LRRTM4: variants seen among roughly 807,000 people sequenced by gnomAD.
LRRTM4 encodes leucine-rich repeat transmembrane neuronal protein 4.
LRRTM4 carries 25 observed loss-of-function variants against 47.6 expected under a neutral mutation model. That is an observed-to-expected ratio of 0.53 (90% CI 0.38 to 0.73). The LOEUF is 0.73. Among genes scored for constraint, LRRTM4 ranks in the 30% least tolerant of loss-of-function variants. The pLI is 0.00. For missense variants in LRRTM4, 638 were observed against 713.4 expected (o/e 0.89, Z 1.20); for synonymous variants, 311 against 269.5 (o/e 1.15, Z -1.51).
chr2:77,244,413 TCA>T (rs1302179061), intron 3 of LRRTM4, among the ~76,000 whole-genome samples: 2 of 152,180 alleles, frequency 1.3e-5, no homozygotes, highest in Admixed American at 1.3e-4. Context: ...ATATTAATTT[TCA>T]GTTTTATTTA....
At chr2:76,795,966 T>G (rs111565427) in intron 3 of LRRTM4, among the ~76,000 whole-genome samples, 2 of 146,550 alleles carry the variant, frequency 1.4e-5, no homozygotes, top group Admixed American at 1.4e-4. Context: ...GCGCACCATG[T>G]GCGAGCCGAA....
At chr2:77,443,264 AAGCT>A (rs1459219655) in intron 3 of LRRTM4, among the ~76,000 whole-genome samples, 1 of 152,114 alleles carries the variant, frequency 6.6e-6, no homozygotes, top group Non-Finnish European at 1.5e-5. Flanking sequence ...GGTCAAATTT[AAGCT>A]TATAAATGAT....
chr2:77,201,244 G>A (rs1673966015), intron 3 of LRRTM4, among the ~76,000 whole-genome samples: 1 of 152,156 alleles, frequency 6.6e-6, no homozygotes, highest in Admixed American at 6.6e-5. Context: ...TAGCCACACA[G>A]TAAGAGGAGA....
intron 3 of LRRTM4, among the ~76,000 whole-genome samples, chr2:77,413,295 A>G (rs1246335899): frequency 2.0e-5 from 3 of 152,188 alleles, no homozygotes; most frequent in African/African-American, 7.2e-5. Flanking sequence ...GCGAAGGCTC[A>G]AATGAGGTCA....
chr2:76,857,868 A>G (rs1421902198), intron 3 of LRRTM4, among the ~76,000 whole-genome samples: 1 of 152,172 alleles, frequency 6.6e-6, no homozygotes, highest in Non-Finnish European at 1.5e-5. Context: ...CCCAACAATG[A>G]AGAAATACTT....
At chr2:76,866,095 A>G (rs759287167) in intron 3 of LRRTM4, among the ~76,000 whole-genome samples, 1 of 152,124 alleles carries the variant, frequency 6.6e-6, no homozygotes, top group Non-Finnish European at 1.5e-5. Flanking sequence ...TGTAAACAAA[A>G]TAGAGTAACT....
intron 3 of LRRTM4, among the ~76,000 whole-genome samples, chr2:77,419,620 G>T (rs556091646): frequency 6.6e-6 from 1 of 152,212 alleles, no homozygotes; most frequent in East Asian, 1.9e-4. Flanking sequence ...TTGACCCACA[G>T]TTAGTTGAAT....
At chr2:76,795,945 TCAGTGGGTGC>T (rs1398387761) in intron 3 of LRRTM4, among the ~76,000 whole-genome samples, 13 of 150,818 alleles carry the variant, frequency 8.6e-5, no homozygotes, top group Non-Finnish European at 1.9e-4. Context: ...TGGGCGCAGG[TCAGTGGGTGC>T]GCGCACCATG....
chr2:77,153,041 G>C (rs1439240372), intron 3 of LRRTM4, among the ~76,000 whole-genome samples: 4 of 152,026 alleles, frequency 2.6e-5, no homozygotes, highest in Non-Finnish European at 5.9e-5. Context: ...AGAAAAAAAA[G>C]CATATTCCTT....
intron 3 of LRRTM4, among the ~76,000 whole-genome samples, chr2:76,960,265 C>T (rs773551287): frequency 5.7e-4 from 87 of 151,446 alleles, no homozygotes; most frequent in Non-Finnish European, 1.1e-3. Context: ...TATAACAATG[C>T]TACGAGAGAG....
intron 3 of LRRTM4, among the ~76,000 whole-genome samples, chr2:76,866,551 T>C (rs1471171775): frequency 6.6e-6 from 1 of 152,188 alleles, no homozygotes; most frequent in Non-Finnish European, 1.5e-5. Flanking sequence ...GGTAAAACTT[T>C]TAAAACTCTG....
At chr2:76,791,845 A>C (rs1674992550) in intron 3 of LRRTM4, among the ~76,000 whole-genome samples, 1 of 152,220 alleles carries the variant, frequency 6.6e-6, no homozygotes, top group Non-Finnish European at 1.5e-5. Context: ...CATTGTAATA[A>C]GCTAGTTTCC....
At chr2:76,867,325 C>G (rs1034173753) in intron 3 of LRRTM4, among the ~76,000 whole-genome samples, 1 of 152,130 alleles carries the variant, frequency 6.6e-6, no homozygotes, top group Non-Finnish European at 1.5e-5. Context: ...GGCTTTACAA[C>G]AAACTCTGCT....
chr2:77,359,701 A>C (rs964167446), intron 3 of LRRTM4, among the ~76,000 whole-genome samples: 1 of 152,216 alleles, frequency 6.6e-6, no homozygotes, highest in Non-Finnish European at 1.5e-5. Flanking sequence ...TGAATCTTGG[A>C]TCTGCCACTA....
chr2:77,348,839 G>A (rs1671660510), intron 3 of LRRTM4, among the ~76,000 whole-genome samples: 1 of 150,526 alleles, frequency 6.6e-6, no homozygotes, highest in Admixed American at 6.6e-5. Context: ...GTGCAAAAGT[G>A]GTTAGATATA....
intron 3 of LRRTM4, among the ~76,000 whole-genome samples, chr2:77,363,587 T>C (rs950242294): frequency 1.3e-5 from 2 of 152,192 alleles, no homozygotes; most frequent in Non-Finnish European, 2.9e-5. Flanking sequence ...CATCCTGGTA[T>C]GGTTTACTGA....
At chr2:77,063,249 C>T (rs562924916) in intron 3 of LRRTM4, among the ~76,000 whole-genome samples, 87 of 152,244 alleles carry the variant, frequency 5.7e-4, no homozygotes, top group African/African-American at 1.9e-3. Flanking sequence ...TGAGCCACTG[C>T]GCCCGGCCTC....
intron 3 of LRRTM4, among the ~76,000 whole-genome samples, chr2:76,917,435 C>G (rs1223044358): frequency 2.6e-5 from 4 of 152,066 alleles, no homozygotes; most frequent in Non-Finnish European, 4.4e-5. Context: ...AGTTAACTCC[C>G]TCTATTAAAA....
intron 3 of LRRTM4, among the ~76,000 whole-genome samples, chr2:77,094,858 G>T (rs2103896785): frequency 1.3e-5 from 2 of 152,274 alleles, no homozygotes; most frequent in Admixed American, 1.3e-4. Flanking sequence ...AAAGCTCCAT[G>T]ACATTGGTCT....
Sources: gnomAD v4.1 joint callset for allele counts (sites outside exome capture counted in the v4.1 genomes callset) on GRCh38, gnomAD v4.1.1 for gene constraint, MANE v1.5 for transcripts, NCBI Gene and HGNC (gene_info 2026-07-23, HGNC 2026-07-21) for gene names.